Variants in LRP1B observed in about 807,000 individuals in gnomAD.
LRP1B encodes LDL receptor related protein 1B.
A neutral mutation model predicts 556.6 loss-of-function variants in LRP1B; 217 were observed. The observed-to-expected ratio is 0.39, with a 90% CI of 0.35 to 0.44. The LOEUF is 0.44. Among genes scored for constraint, LRP1B ranks in the 20% least tolerant of loss-of-function variants. The probability of loss-of-function intolerance (pLI) is 1.00; values close to 1 mark genes in which losing one functional copy is unlikely to be tolerated. For missense variants in LRP1B, 5,053 were observed against 5,620.8 expected, an observed-to-expected ratio of 0.90 and a Z score of 3.23; for synonymous variants, 2,047 against 1,865.8, an observed-to-expected ratio of 1.10 and a Z score of -2.50.
At chr2:140,736,858 AAG>A (rs1303745021) in intron 35 of LRP1B, among the ~76,000 whole-genome samples, 1 of 152,154 alleles carries the variant, frequency 6.6e-6, no homozygotes, top group Non-Finnish European at 1.5e-5. Context: ...TGCCTGAAAT[AAG>A]AGAGGTCAGA....
intron 1 of LRP1B, among the ~76,000 whole-genome samples, chr2:142,065,951 C>A (rs1290417655): frequency 6.6e-6 from 1 of 151,288 alleles, no homozygotes; most frequent in Admixed American, 6.6e-5. Context: ...TCTGTGGGTT[C>A]ATGAAATCCC....
chr2:141,770,689 T>C (rs1050507560), intron 2 of LRP1B, among the ~76,000 whole-genome samples: 1 of 152,214 alleles, frequency 6.6e-6, no homozygotes, highest in East Asian at 1.9e-4. Context: ...TGAAAGTAGA[T>C]TGCAATGCCC....
intron 1 of LRP1B, among the ~76,000 whole-genome samples, chr2:142,009,112 G>T (rs1352268566): frequency 1.3e-5 from 2 of 152,144 alleles, no homozygotes; most frequent in African/African-American, 2.4e-5. Flanking sequence ...TTTGGAAATT[G>T]TTGCAGGAAT....
At position 140,583,114 on chromosome 2, in the gene LRP1B, T is replaced by C. The variant is rs184118668; in HGVS notation, c.7194+15517A>G. ...TTCTGTTGGCATCTTCATGGAAATATTAGCATGAGAGCATGAGTCTACTGA... is the reference window on the plus strand; with the variant it reads ...TTCTGTTGGCATCTTCATGGAAATACTAGCATGAGAGCATGAGTCTACTGA... On this transcript the variant is annotated intron_variant, in intron 43 of 90. Coordinates refer to ENST00000389484, the MANE Select transcript of LRP1B (RefSeq NM_018557.3). 2.0e-4 allele frequency among the ~76,000 whole-genome samples: 30 copies of C among 151,884 alleles called. No homozygotes were observed. In the East Asian group the frequency reaches 3.1e-3, roughly 16 times the overall value.
At chr2:141,821,286 T>C (rs1696744118) in intron 1 of LRP1B, among the ~76,000 whole-genome samples, 5 of 152,194 alleles carry the variant, frequency 3.3e-5, no homozygotes. Flanking sequence ...ATTTCCCAGT[T>C]TCATGTCACA....
chr2:141,503,993 G>T (rs7568338), intron 2 of LRP1B, among the ~76,000 whole-genome samples: 126,377 of 152,104 alleles, frequency 0.83, 52,837 homozygotes, highest in East Asian at 0.97. Flanking sequence ...GGCTAACTCC[G>T]AAAGCTACCT....
At chr2:141,895,172 A>G (rs553859765) in intron 1 of LRP1B, among the ~76,000 whole-genome samples, 6 of 152,276 alleles carry the variant, frequency 3.9e-5, no homozygotes, top group East Asian at 3.9e-4. Context: ...TGAAGTAAAC[A>G]TTTAGCAAGA....
At chr2:141,865,739 C>G (rs1396867380) in intron 1 of LRP1B, among the ~76,000 whole-genome samples, 1 of 152,010 alleles carries the variant, frequency 6.6e-6, no homozygotes, top group Non-Finnish European at 1.5e-5. Context: ...CATTTCATTT[C>G]AAACTTATCC....
intron 2 of LRP1B, among the ~76,000 whole-genome samples, chr2:141,654,347 G>T (rs1446443043): frequency 1.3e-5 from 2 of 152,160 alleles, no homozygotes; most frequent in Non-Finnish European, 2.9e-5. Context: ...TTTCAAGGGA[G>T]TACTGTCTTG....
Position 140,291,298 on chromosome 2 carries a change from T to TTATATATATATATA in LRP1B, c.12967+6496_12967+6509dup, listed in dbSNP as rs66596182. 3.1e-4 allele frequency among the ~76,000 whole-genome samples: 22 copies of TTATATATATATATA among 71,994 alleles called. 3 individuals carry two copies. The highest frequency in any genetic ancestry group is 2.0e-3 in the East Asian group (5 of 2,468). The allele number at this position is 71,994 out of a possible 152,430, so 47.2% of individuals were successfully genotyped here. A position where few individuals can be genotyped will look rare whatever the true frequency, so the allele number is the denominator to read the frequency against. On this transcript the variant is annotated intron_variant, in intron 84 of 90. Coordinates refer to ENST00000389484, the MANE Select transcript of LRP1B (RefSeq NM_018557.3). ...AGATACCACTTCAAGAAATTTTATT[T>TTATATATATATATA]TATATATATATATATATATATTTTT...
chr2:141,139,322 C>G (rs1234639405), intron 7 of LRP1B, among the ~76,000 whole-genome samples: 1 of 151,672 alleles, frequency 6.6e-6, no homozygotes, highest in Admixed American at 6.6e-5. Flanking sequence ...AAATTTAACA[C>G]CAACATCACA....
At chr2:140,947,903 T>C (rs1695589116) in intron 20 of LRP1B, among the ~76,000 whole-genome samples, 1 of 152,120 alleles carries the variant, frequency 6.6e-6, no homozygotes. Context: ...ACAAGAGATA[T>C]ATGCCATTCA....
intron 6 of LRP1B, among the ~76,000 whole-genome samples, chr2:141,220,234 G>C (rs112973320): frequency 0.015 from 2,252 of 152,254 alleles, 34 homozygotes; most frequent in Middle Eastern, 0.034. Context: ...GAACATAAAT[G>C]ACCTGAAGGA....
intron 9 of LRP1B, among the ~76,000 whole-genome samples, chr2:141,056,206 G>A (rs1280336114): frequency 1.3e-5 from 2 of 151,754 alleles, no homozygotes; most frequent in African/African-American, 4.8e-5. Flanking sequence ...TGCCAAGAGT[G>A]TTATTGTTAT....
intron 3 of LRP1B, among the ~76,000 whole-genome samples, chr2:141,358,420 A>G (rs1688702335): frequency 1.3e-5 from 2 of 152,220 alleles, no homozygotes; most frequent in South Asian, 2.1e-4. Flanking sequence ...AGGGTCAGTT[A>G]TCTGCTGTCC....
intron 66 of LRP1B, among the ~76,000 whole-genome samples, chr2:140,402,416 G>A (rs538596849): frequency 6.6e-6 from 1 of 152,300 alleles, no homozygotes; most frequent in African/African-American, 2.4e-5. Flanking sequence ...CTTCTTCCAT[G>A]AGAGCTTTGC....
chr2:141,933,113 A>AAT (rs1374262747), intron 1 of LRP1B, among the ~76,000 whole-genome samples: 1 of 152,020 alleles, frequency 6.6e-6, no homozygotes, highest in Non-Finnish European at 1.5e-5. Context: ...ATCTTTTTAA[A>AAT]ATCTAAATAA....
intron 3 of LRP1B, among the ~76,000 whole-genome samples, chr2:141,377,024 T>G (rs959147629): frequency 6.6e-6 from 1 of 152,172 alleles, no homozygotes; most frequent in African/African-American, 2.4e-5. Flanking sequence ...GGGCTCATAC[T>G]AAGTTGTGAA....
At chr2:141,614,325 G>A (rs923122582) in intron 2 of LRP1B, among the ~76,000 whole-genome samples, 9 of 152,118 alleles carry the variant, frequency 5.9e-5, no homozygotes, top group Admixed American at 2.0e-4. Flanking sequence ...TCAGTCTAAT[G>A]TGGAGGGGAA....
Sources: gnomAD v4.1 joint callset for allele counts (sites outside exome capture counted in the v4.1 genomes callset) on GRCh38, gnomAD v4.1.1 for gene constraint, MANE v1.5 for transcripts, NCBI Gene and HGNC (gene_info 2026-07-23, HGNC 2026-07-21) for gene names.